The following CIMAP1D variants were observed in gnomAD, a reference collection of about 807,000 sequenced individuals.
CIMAP1D encodes the protein protein CIMAP1D.
chr19:473,051 C>A, the CIMAP1D span, among the ~76,000 whole-genome samples: 1 of 127,006 alleles, frequency 7.9e-6, no homozygotes, highest in South Asian at 3.7e-4. Flanking sequence ...GAGGCCCAGG[C>A]AGAGATACAC....
chr19:473,096 A>G, the CIMAP1D span, among the ~76,000 whole-genome samples: 1 of 127,822 alleles, frequency 7.8e-6, no homozygotes, highest in Non-Finnish European at 1.6e-5. Context: ...CCAGGCAGAG[A>G]TACACGGTCA....
At chr19:491,326 G>A in the CIMAP1D span, among the ~76,000 whole-genome samples, 2 of 152,132 alleles carry the variant, frequency 1.3e-5, no homozygotes, top group East Asian at 3.9e-4. Flanking sequence ...TATGGTGTTT[G>A]CGACGTCGTG....
chr19:474,757 G>T, the CIMAP1D span: 8 of 1,507,444 alleles, frequency 5.3e-6, no homozygotes, highest in East Asian at 2.5e-5. Flanking sequence ...TGGTGGGCAG[G>T]CGATGGCCCC....
the CIMAP1D span, chr19:490,077 C>T: frequency 1.3e-5 from 5 of 398,282 alleles, no homozygotes; most frequent in Non-Finnish European, 2.2e-5. Flanking sequence ...AAAACAAGGC[C>T]GGGCGCGTTG....
At chr19:480,107 G>A in the CIMAP1D span, among the ~76,000 whole-genome samples, 1 of 152,262 alleles carries the variant, frequency 6.6e-6, no homozygotes, top group Admixed American at 6.5e-5. Flanking sequence ...GACCAGAGGA[G>A]AAGCCGAACT....
At chr19:487,269 CAG>C in the CIMAP1D span, among the ~76,000 whole-genome samples, 1 of 152,176 alleles carries the variant, frequency 6.6e-6, no homozygotes, top group African/African-American at 2.4e-5. Flanking sequence ...ATTTACAACA[CAG>C]GGGGCGGCGT....
At chr19:467,068 G>C in the CIMAP1D span, among the ~76,000 whole-genome samples, 1 of 119,238 alleles carries the variant, frequency 8.4e-6, no homozygotes, top group Non-Finnish European at 1.7e-5. Flanking sequence ...TGGGTGGGTG[G>C]GTGGGTGGAT....
At chr19:467,798 T>C in the CIMAP1D span, 1 of 1,360,582 alleles carries the variant, frequency 7.3e-7, no homozygotes, top group Admixed American at 1.9e-5. Context: ...AGAGTGATTC[T>C]GAAGACAGTG....
chr19:483,324 T>C, the CIMAP1D span, among the ~76,000 whole-genome samples: 2 of 138,072 alleles, frequency 1.4e-5, no homozygotes, highest in Non-Finnish European at 3.1e-5. Context: ...GGCCACTCTA[T>C]GTCAGCCAGA....
At chr19:472,465 A>C in the CIMAP1D span, 1 of 1,547,088 alleles carries the variant, frequency 6.5e-7, no homozygotes, top group Non-Finnish European at 8.7e-7. Context: ...GATGAAGCCC[A>C]CGGTGGACGG....
At chr19:474,784 C>T in the CIMAP1D span, 7 of 1,418,976 alleles carry the variant, frequency 4.9e-6, no homozygotes, top group Admixed American at 1.0e-4. Context: ...ACCCACGGGG[C>T]CTGGTGCTAC....
chr19:472,509 C>A, the CIMAP1D span: 1 of 1,536,378 alleles, frequency 6.5e-7, no homozygotes, highest in Non-Finnish European at 8.8e-7. Context: ...AGCCTGCAGC[C>A]CAAAGCCCTC....
chr19:476,585 T>G, the CIMAP1D span, among the ~76,000 whole-genome samples: 2 of 152,236 alleles, frequency 1.3e-5, no homozygotes, highest in African/African-American at 2.4e-5. Context: ...TTGCATGTTT[T>G]AAAATTTTTT....
chr19:472,940 A>C, the CIMAP1D span, among the ~76,000 whole-genome samples: 1,489 of 103,106 alleles, frequency 0.014, 31 homozygotes, highest in African/African-American at 0.026. Context: ...GCAGAGATAC[A>C]TGGTCACAGA....
At chr19:484,882 C>A in the CIMAP1D span, among the ~76,000 whole-genome samples, 6 of 151,968 alleles carry the variant, frequency 3.9e-5, no homozygotes, top group Non-Finnish European at 8.8e-5. Context: ...GAGGAGGGCA[C>A]GGCCTGAATT....
the CIMAP1D span, chr19:467,642 TAC>T: frequency 6.3e-7 from 1 of 1,596,174 alleles, no homozygotes; most frequent in East Asian, 2.2e-5. Flanking sequence ...TTGGCTCCAG[TAC>T]TCACCCCGAG....
the CIMAP1D span, among the ~76,000 whole-genome samples, chr19:485,833 G>A: frequency 1.8e-4 from 28 of 152,210 alleles, no homozygotes; most frequent in Admixed American, 4.6e-4. Flanking sequence ...TGTGGCTGCT[G>A]CCACCGGCCC....
chr19:487,130 C>T, the CIMAP1D span, among the ~76,000 whole-genome samples: 1 of 152,256 alleles, frequency 6.6e-6, no homozygotes, highest in African/African-American at 2.4e-5. Context: ...TCCTTCTTCC[C>T]AGCAGCACTC....
At chr19:465,768 G>T in the CIMAP1D span, among the ~76,000 whole-genome samples, 1 of 148,998 alleles carries the variant, frequency 6.7e-6, no homozygotes, top group South Asian at 2.2e-4. Context: ...TGGATAGATG[G>T]GTGGGTGGGT....
Sources: allele counts gnomAD v4.1 joint callset (sites outside exome capture counted in the v4.1 genomes callset), GRCh38; gene constraint gnomAD v4.1.1; transcripts MANE v1.5; gene names NCBI Gene and HGNC (gene_info 2026-07-23, HGNC 2026-07-21).